The following ZNF253 variants were observed in gnomAD, a reference collection of about 807,000 sequenced individuals.
ZNF253 encodes DNA-binding protein.
In ZNF253, 8 loss-of-function variants were observed where a neutral mutation model predicts 11.9. That is an observed-to-expected ratio of 0.67 (90% CI 0.40 to 1.22). The LOEUF is 1.22. ZNF253 is among the 50% of genes most tolerant of loss of function. ZNF253 has a pLI of 0.01. For synonymous variants in ZNF253, 194 were observed against 194.9 expected (o/e 1.00, Z 0.04); for missense variants, 485 against 586.9 (o/e 0.83, Z 1.79).
intron 1 of ZNF253, among the ~76,000 whole-genome samples, chr19:19,867,698 C>T (rs979355380): frequency 1.8e-4 from 28 of 152,208 alleles, no homozygotes; most frequent in Non-Finnish European, 3.5e-4. Flanking sequence ...CAGTCTACCA[C>T]TGATAGGGCC....
intron 1 of ZNF253, among the ~76,000 whole-genome samples, chr19:19,867,229 T>C (rs1256540714): frequency 2.6e-5 from 4 of 152,228 alleles, no homozygotes; most frequent in Non-Finnish European, 5.9e-5. Context: ...GTTTTCTGTT[T>C]CTGCATTAGT....
At chr19:19,874,050 A>G (rs1235066421) in intron 1 of ZNF253, among the ~76,000 whole-genome samples, 1 of 152,102 alleles carries the variant, frequency 6.6e-6, no homozygotes, top group Non-Finnish European at 1.5e-5. Context: ...CCGGGATTAC[A>G]GGTGCCCACC....
intron 3 of ZNF253, among the ~76,000 whole-genome samples, chr19:19,888,130 G>A (rs3943792): frequency 6.6e-6 from 1 of 150,876 alleles, no homozygotes; most frequent in Non-Finnish European, 1.5e-5. Flanking sequence ...ATGGCACAAT[G>A]TTGGCTCACT....
intron 3 of ZNF253, among the ~76,000 whole-genome samples, chr19:19,890,470 AAAG>A (rs1340722709): frequency 6.6e-6 from 1 of 151,786 alleles, no homozygotes; most frequent in African/African-American, 2.4e-5. Context: ...TATTTTTAAA[AAAG>A]AAACCAGGAG....
intron 3 of ZNF253, among the ~76,000 whole-genome samples, chr19:19,880,719 AAG>A (rs1479767485): frequency 1.3e-5 from 2 of 151,868 alleles, no homozygotes; most frequent in Non-Finnish European, 1.5e-5. Flanking sequence ...AAAAAAAAAA[AAG>A]AGAGAATGAG....
chr19:19,880,142 C>T lies in ZNF253; in HGVS notation c.222C>T (p.Pro74=). 1.2e-6 allele frequency: 2 copies of T among 1,601,970 alleles called. No homozygotes were observed. Among genetic ancestry groups the T allele is most frequent in the Non-Finnish European group, 1.7e-6 (2 of 1,174,640 alleles). ...TMERHEMIAK[P]PVMSSHFAQD... ...AAAGACATGAGATGATTGCCAAACC[C>T]CCAGGTAGGTACGAGTGAAAACGAA... Residue 74 remains proline (P), a synonymous_variant, in exon 3 of 4, where the codon CCC becomes CCT. Transcript: ENST00000589717.
At chr19:19,867,062 C>T (rs2063114556) in intron 1 of ZNF253, among the ~76,000 whole-genome samples, 1 of 152,080 alleles carries the variant, frequency 6.6e-6, no homozygotes, top group African/African-American at 2.4e-5. Flanking sequence ...TTTATGGGGC[C>T]GGGCGCGGTG....
At position 19,880,125 on chromosome 19, in the gene ZNF253, G is replaced by A. The variant is rs759427241; in HGVS notation, c.205G>A (p.Glu69Lys). ...AAAACCTTTAACTATGGAAAGACAT[G>A]AGATGATTGCCAAACCCCCAGGTAG... ...GKKPLTMERHEMIAKPPVMSS... is the reference protein window; with the variant it reads ...GKKPLTMERHKMIAKPPVMSS... Residue 69 changes from glutamate (E) to lysine (K), a missense_variant, in exon 3 of 4, where the codon GAG (glutamate) becomes AAG (lysine). By Grantham distance (56) the Glu-to-Lys change is moderately conservative (BLOSUM62 1). Coordinates refer to ENST00000589717, the MANE Select transcript of ZNF253 (RefSeq NM_021047.3). 1.9e-6 allele frequency: 3 copies of A among 1,608,990 alleles called. No homozygotes were observed. The highest frequency in any genetic ancestry group is 1.7e-5 in the Admixed American group (1 of 59,550).
intron 3 of ZNF253, 130 bp downstream of exon 3, chr19:19,880,276 T>C (rs2063172300): frequency 2.8e-6 from 1 of 363,324 alleles, no homozygotes; most frequent in Non-Finnish European, 4.6e-6. Flanking sequence ...GGCAGCTGTT[T>C]TTTTTTTTTT....
intron 3 of ZNF253, among the ~76,000 whole-genome samples, chr19:19,884,987 T>G (rs2122126958): frequency 6.6e-6 from 1 of 152,320 alleles, no homozygotes; most frequent in East Asian, 1.9e-4. Context: ...AAATTTACTG[T>G]TAGTTTTAAG....
intron 1 of ZNF253, among the ~76,000 whole-genome samples, chr19:19,869,687 T>TTA (rs2063125419): frequency 1.2e-5 from 1 of 85,314 alleles, no homozygotes; most frequent in African/African-American, 4.7e-5. Flanking sequence ...TTTTTTTTTT[T>TTA]AAAAAACAGT....
At chr19:19,875,974 G>T (rs1179195732) in intron 1 of ZNF253, among the ~76,000 whole-genome samples, 5 of 152,120 alleles carry the variant, frequency 3.3e-5, no homozygotes, top group African/African-American at 1.2e-4. Context: ...TGTACATGTT[G>T]TTTTTTAAAT....
intron 3 of ZNF253, among the ~76,000 whole-genome samples, chr19:19,890,728 G>A (rs533914090): frequency 1.3e-5 from 2 of 151,800 alleles, no homozygotes; most frequent in South Asian, 4.1e-4. Context: ...TCACCATGTT[G>A]GTCAGGCTGG....
At position 19,892,073 on chromosome 19, in the gene ZNF253, A is replaced by G. The variant is rs755834654; in HGVS notation, c.826A>G (p.Ile276Val). ...NRSTDLTTHK[I>V]VHTGEKPYKC... ...ATCCACAGACCTTACTACACATAAG[A>G]TAGTTCATACTGGAGAGAAACCCTA... Residue 276 changes from isoleucine to valine, a missense_variant, in exon 4 of 4, where the codon ATA becomes GTA. By Grantham distance (29) the Ile-to-Val change is conservative. Coordinates refer to ENST00000589717, the MANE Select transcript of ZNF253 (RefSeq NM_021047.3). 3 of 1,613,826 alleles carry G rather than the reference A, an allele frequency of 1.9e-6. No individual in the cohort carries two copies. The African/African-American group carries it at 4.0e-5, about 22-fold the overall frequency.
intron 3 of ZNF253, among the ~76,000 whole-genome samples, chr19:19,887,490 G>T (rs10408890): frequency 0.028 from 4,298 of 151,834 alleles, 149 homozygotes; most frequent in African/African-American, 0.085. Flanking sequence ...CTAGTGACAG[G>T]GTTCCACCAT....
intron 1 of ZNF253, 48 bp downstream of exon 1, chr19:19,866,047 A>G (rs752765667): frequency 2.5e-6 from 4 of 1,613,816 alleles, no homozygotes; most frequent in Non-Finnish European, 3.4e-6. Flanking sequence ...GCTGTTTGGA[A>G]CGGTGGGAAG....
At chr19:19,866,729 C>T (rs1773335020) in intron 1 of ZNF253, among the ~76,000 whole-genome samples, 1 of 152,098 alleles carries the variant, frequency 6.6e-6, no homozygotes, top group South Asian at 2.1e-4. Flanking sequence ...AACTCCCGAA[C>T]TCAGTTGATC....
intron 3 of ZNF253, 36 bp downstream of exon 3, chr19:19,880,182 C>A: frequency 6.8e-7 from 1 of 1,475,456 alleles, no homozygotes; most frequent in South Asian, 1.2e-5. Flanking sequence ...ACAGATGACA[C>A]AGATAAAAGG....
chr19:19,872,934 A>G (rs1833415493), intron 1 of ZNF253, among the ~76,000 whole-genome samples: 1 of 152,104 alleles, frequency 6.6e-6, no homozygotes, highest in Non-Finnish European at 1.5e-5. Flanking sequence ...GATCCTACCT[A>G]GAATCTGCAG....
Sources: gnomAD v4.1 joint callset for allele counts (sites outside exome capture counted in the v4.1 genomes callset) on GRCh38, gnomAD v4.1.1 for gene constraint, MANE v1.5 for transcripts, NCBI Gene and HGNC (gene_info 2026-07-23, HGNC 2026-07-21) for gene names.